The following TMEM181 variants were observed in gnomAD, a reference collection of about 807,000 sequenced individuals.
The protein encoded by TMEM181 is transmembrane protein 181.
In TMEM181, 39 loss-of-function variants were observed where a neutral mutation model predicts 71.9. The observed-to-expected ratio is 0.54, with a 90% CI of 0.42 to 0.71. The LOEUF is 0.71. TMEM181 is among the 30% of genes least tolerant of loss of function. The pLI is 0.00. For missense variants in TMEM181, 595 were observed against 583.0 expected, an observed-to-expected ratio of 1.02 and a Z score of -0.21; for synonymous variants, 245 against 228.8, an observed-to-expected ratio of 1.07 and a Z score of -0.64.
At position 158,579,841 on chromosome 6, in the gene TMEM181, A is replaced by G. The variant is rs539466076; in HGVS notation, c.113-1099A>G. Among the ~76,000 whole-genome samples the G allele has an allele frequency of 2.0e-5, 3 of 152,378 alleles. No individual in the cohort carries two copies. In the East Asian group the frequency reaches 5.8e-4, roughly 29 times the overall value. The stretch of plus-strand genomic sequence containing the variant: ...TTGGAAAAAAGATAAATACTATAAG[A>G]TTCACTTATATGGGGTACTTAGAGT... On this transcript the variant is annotated intron_variant, in intron 2 of 16. Transcript: ENST00000684151.
Position 158,635,344 on chromosome 6 carries a change from G to GTTTGTT in TMEM181, c.*3458_*3463dup, listed in dbSNP as rs760957277. 1 of 152,164 alleles carries GTTTGTT rather than the reference G, an allele frequency of 6.6e-6. No homozygotes were observed. Among genetic ancestry groups the GTTTGTT allele is most frequent in the Non-Finnish European group, 1.5e-5 (1 of 68,012 alleles). 9.4% of individuals were successfully genotyped at this position (152,164 alleles called of 1,614,324 possible). A position where few individuals can be genotyped will look rare whatever the true frequency, so the allele number is the denominator to read the frequency against. On this transcript the variant is annotated 3_prime_UTR_variant, in exon 17 of 17. Transcript: ENST00000684151. ...TTGCTGTCATCAGGCAAAAGTGAATGTTTGTTTATGGCAAATTCGTCTTTT... is the reference window on the plus strand; with the variant it reads ...TTGCTGTCATCAGGCAAAAGTGAATGTTTGTTTTTGTTTATGGCAAATTCGTCTTTT...
intron 9 of TMEM181, 33 bp downstream of exon 9, chr6:158,608,496 G>T (rs1250395165): frequency 1.2e-6 from 2 of 1,613,912 alleles, no homozygotes; most frequent in Non-Finnish European, 1.7e-6. Context: ...GCCGGGGGAG[G>T]TTCCAGACTG....
At chr6:158,600,811 G>T (rs748909628) in intron 6 of TMEM181, among the ~76,000 whole-genome samples, 3 of 152,054 alleles carry the variant, frequency 2.0e-5, no homozygotes, top group Non-Finnish European at 4.4e-5. Context: ...ATTATTTTCT[G>T]TTGCTCTAAC....
chr6:158,553,861 T>TC (rs1338359623), intron 1 of TMEM181, among the ~76,000 whole-genome samples: 2 of 152,158 alleles, frequency 1.3e-5, no homozygotes, highest in African/African-American at 4.8e-5. Context: ...TGAAACAACG[T>TC]CCAACAGGTC....
chr6:158,604,571 G>C (rs953869990), intron 6 of TMEM181, among the ~76,000 whole-genome samples: 1 of 152,168 alleles, frequency 6.6e-6, no homozygotes, highest in Admixed American at 6.5e-5. Flanking sequence ...GGCTCCATCA[G>C]TGCACACTTG....
chr6:158,573,673 C>A, intron 2 of TMEM181, 150 bp downstream of exon 2: 2 of 674,082 alleles, frequency 3.0e-6, no homozygotes, highest in Non-Finnish European at 5.1e-6. Context: ...GGGGTCCCAG[C>A]CCTGCGCTTC....
intron 1 of TMEM181, among the ~76,000 whole-genome samples, chr6:158,548,325 T>C (rs1364347152): frequency 6.6e-6 from 1 of 152,214 alleles, no homozygotes; most frequent in Non-Finnish European, 1.5e-5. Flanking sequence ...ATGGAAACTA[T>C]TGCTCTAGGT....
Position 158,632,671 on chromosome 6 carries a change from G to A in TMEM181, c.*783G>A, listed in dbSNP as rs1026716291. The A allele has an allele frequency of 6.6e-6, 1 of 152,280 alleles. No homozygotes were observed. The highest frequency in any genetic ancestry group is 2.4e-5 in the African/African-American group (1 of 41,454). The allele number at this position is 152,280 out of a possible 1,614,324, so 9.4% of individuals were successfully genotyped here. A position where few individuals can be genotyped will look rare whatever the true frequency, so the allele number is the denominator to read the frequency against. ...TGATTAAATGGATTTGCCTGTGGGAGGTATGGGCAGGAGAGGAACCCTTAC... is the reference window on the plus strand; with the variant it reads ...TGATTAAATGGATTTGCCTGTGGGAAGTATGGGCAGGAGAGGAACCCTTAC... On this transcript the variant is annotated 3_prime_UTR_variant, in exon 17 of 17. Transcript: ENST00000684151.
chr6:158,634,087 C>T lies in TMEM181; in HGVS notation c.*2199C>T, dbSNP rs188222183. 1 of 152,122 alleles carries T rather than the reference C, an allele frequency of 6.6e-6. No individual in the cohort carries two copies. The highest frequency in any genetic ancestry group is 1.5e-5 in the Non-Finnish European group (1 of 68,030). The allele number at this position is 152,122 out of a possible 1,614,324, so 9.4% of individuals were successfully genotyped here. On this transcript the variant is annotated 3_prime_UTR_variant, in exon 17 of 17. Coordinates refer to ENST00000684151, the MANE Select transcript of TMEM181 (RefSeq NM_001376852.1). ...TGACTATTATCTTCATACATTGAGTCTTCATGCATCAATGAAATGAAAAAT... is the reference window on the plus strand; with the variant it reads ...TGACTATTATCTTCATACATTGAGTTTTCATGCATCAATGAAATGAAAAAT...
In TMEM181 at chr6:158,573,528, G is replaced by C. The variant is rs1217539207; in HGVS notation, c.112+5G>C. 6.3e-7 allele frequency: 1 copy of C among 1,598,368 alleles called. No individual in the cohort carries two copies. Among genetic ancestry groups the C allele is most frequent in the Admixed American group, 1.7e-5 (1 of 57,310 alleles). On this transcript the variant is annotated splice_donor_5th_base_variant and intron_variant, in intron 2 of 16. Coordinates refer to ENST00000684151, the MANE Select transcript of TMEM181 (RefSeq NM_001376852.1). ...CCATCTTCGTTGGGATCAGAGGTAAGGTTCGGTTTTTACTCATTGAATCTT... is the reference window on the plus strand; with the variant it reads ...CCATCTTCGTTGGGATCAGAGGTAACGTTCGGTTTTTACTCATTGAATCTT...
intron 13 of TMEM181, 105 bp downstream of exon 13, chr6:158,625,859 C>A: frequency 9.8e-7 from 1 of 1,022,542 alleles, no homozygotes; most frequent in Non-Finnish European, 1.5e-6. Flanking sequence ...GTACTTCTAG[C>A]CCAGTAGACT....
At chr6:158,593,851 T>C (rs1202079822) in intron 6 of TMEM181, among the ~76,000 whole-genome samples, 1 of 152,072 alleles carries the variant, frequency 6.6e-6, no homozygotes, top group Non-Finnish European at 1.5e-5. Context: ...CCTCCCCCAT[T>C]GTCAGCATCT....
intron 3 of TMEM181, among the ~76,000 whole-genome samples, chr6:158,581,343 A>G (rs1304810796): frequency 6.6e-6 from 1 of 152,208 alleles, no homozygotes; most frequent in Non-Finnish European, 1.5e-5. Flanking sequence ...GTCTCATCTT[A>G]TATTTGCCCA....
intron 3 of TMEM181, among the ~76,000 whole-genome samples, chr6:158,583,743 T>C (rs548579507): frequency 6.6e-6 from 1 of 152,206 alleles, no homozygotes; most frequent in Non-Finnish European, 1.5e-5. Flanking sequence ...GAGCTTGTAG[T>C]GAGCCGAGAT....
At chr6:158,538,663 C>T (rs144551176) in intron 1 of TMEM181, among the ~76,000 whole-genome samples, 237 of 152,280 alleles carry the variant, frequency 1.6e-3, no homozygotes, top group African/African-American at 5.2e-3. Context: ...GTGAATACAG[C>T]GGTGAGCAAG....
intron 2 of TMEM181, among the ~76,000 whole-genome samples, chr6:158,580,194 G>A (rs984100680): frequency 2.0e-5 from 3 of 152,170 alleles, no homozygotes; most frequent in South Asian, 2.1e-4. Context: ...GCCGGGCGTG[G>A]TGGCGCATGC....
intron 2 of TMEM181, among the ~76,000 whole-genome samples, chr6:158,579,026 A>G (rs745503102): frequency 6.6e-6 from 1 of 152,124 alleles, no homozygotes; most frequent in African/African-American, 2.4e-5. Context: ...TGGGAGGCTG[A>G]GGCGGGTGAA....
At position 158,606,170 on chromosome 6, in the gene TMEM181, C is replaced by T. The variant is rs149945015; in HGVS notation, c.573+823C>T. 1.4e-3 allele frequency among the ~76,000 whole-genome samples: 205 copies of T among 148,454 alleles called. 2 individuals are homozygous for T. In the East Asian group the frequency reaches 0.036, roughly 26 times the overall value. Reference sequence around the variant, plus strand: ...AGGGAGCTGGAGGGAAGGGCGTGGGCGCTAGAGCCACAGGGAGCTGGAGGG... The same window carrying T: ...AGGGAGCTGGAGGGAAGGGCGTGGGTGCTAGAGCCACAGGGAGCTGGAGGG... On this transcript the variant is annotated intron_variant, in intron 7 of 16. Coordinates refer to ENST00000684151, the MANE Select transcript of TMEM181 (RefSeq NM_001376852.1).
chr6:158,577,529 T>C (rs1783231600), intron 2 of TMEM181, among the ~76,000 whole-genome samples: 1 of 152,170 alleles, frequency 6.6e-6, no homozygotes, highest in Non-Finnish European at 1.5e-5. Context: ...GGTCAGAGAA[T>C]ATTTCAAGCG....
Sources: gnomAD v4.1 joint callset for allele counts (sites outside exome capture counted in the v4.1 genomes callset) on GRCh38, gnomAD v4.1.1 for gene constraint, MANE v1.5 for transcripts, NCBI Gene and HGNC (gene_info 2026-07-23, HGNC 2026-07-21) for gene names.